Variants in PCGF5 observed in about 807,000 individuals in gnomAD.
PCGF5 encodes polycomb group RING finger protein 5.
In PCGF5, 9 loss-of-function variants were observed where a neutral mutation model predicts 44.3. The ratio of observed to expected loss-of-function variants is 0.20; its 90% CI spans 0.12 to 0.35. PCGF5 has a LOEUF of 0.35. Ranked by LOEUF, PCGF5 falls within the 10% of genes least tolerant of loss-of-function variation. The probability of loss-of-function intolerance (pLI) is 1.00; values close to 1 mark genes in which losing one functional copy is unlikely to be tolerated. For missense variants in PCGF5, 146 were observed against 305.3 expected, an observed-to-expected ratio of 0.48 and a Z score of 3.89; for synonymous variants, 95 against 102.5, an observed-to-expected ratio of 0.93 and a Z score of 0.44.
chr10:91,161,470 T>C (rs891520264), upstream of PCGF5, among the ~76,000 whole-genome samples: 3 of 152,180 alleles, frequency 2.0e-5, no homozygotes, highest in South Asian at 2.1e-4. Flanking sequence ...CCACACTACC[T>C]AACAGGGCCG....
upstream of PCGF5, chr10:91,220,554 C>A (rs1456261517): frequency 1.3e-5 from 2 of 150,752 alleles, no homozygotes; most frequent in Admixed American, 1.3e-4. Context: ...CGTGGCCGGG[C>A]GGCGGGGGCG....
the PCGF5 span, among the ~76,000 whole-genome samples, chr10:91,156,349 T>C: frequency 6.6e-6 from 1 of 152,124 alleles, no homozygotes; most frequent in Admixed American, 6.6e-5. Context: ...ATAAGACCAT[T>C]TGATGATTGT....
At chr10:91,250,490 G>GTT (rs1845596421) in intron 5 of PCGF5, among the ~76,000 whole-genome samples, 1 of 129,480 alleles carries the variant, frequency 7.7e-6, no homozygotes, top group South Asian at 2.3e-4. Context: ...TATTTGTCTG[G>GTT]TTTTTTCTTT....
At chr10:91,200,980 C>G (rs1589365740) in intron 1 of PCGF5, among the ~76,000 whole-genome samples, 1 of 152,066 alleles carries the variant, frequency 6.6e-6, no homozygotes, top group East Asian at 1.9e-4. Context: ...AGAGCTTGGG[C>G]AAGCACAAGA....
intron 1 of PCGF5, among the ~76,000 whole-genome samples, chr10:91,181,969 A>G (rs545763004): frequency 6.6e-6 from 1 of 152,008 alleles, no homozygotes; most frequent in East Asian, 1.9e-4. Flanking sequence ...CAATTTCAGA[A>G]CTCATTATTG....
At chr10:91,248,305 G>T (rs1413697792) in intron 3 of PCGF5, among the ~76,000 whole-genome samples, 200 bp from the exon 4 acceptor site, 1 of 152,054 alleles carries the variant, frequency 6.6e-6, no homozygotes, top group Non-Finnish European at 1.5e-5. Flanking sequence ...GCTGGGGACT[G>T]GGACCATTTT....
At position 91,283,758 on chromosome 10, in the gene PCGF5, T is replaced by G. The variant is rs542962733; in HGVS notation, c.*5442T>G. 6.6e-6 allele frequency: 1 copy of G among 152,440 alleles called. No homozygotes were observed. Among genetic ancestry groups the G allele is most frequent in the Non-Finnish European group, 1.5e-5 (1 of 68,024 alleles). 9.4% of individuals were successfully genotyped at this position (152,440 alleles called of 1,614,324 possible). A position where few individuals can be genotyped will look rare whatever the true frequency, so the allele number is the denominator to read the frequency against. The stretch of plus-strand genomic sequence containing the variant: ...CATCTGAGCAACACAACAGAGATCA[T>G]CAGTTTTAAATAGAGTAGCCCTCAC... On this transcript the variant is annotated 3_prime_UTR_variant, in exon 10 of 10. Transcript: ENST00000336126.
chr10:91,276,930 T>C (rs557447625), intron 9 of PCGF5, among the ~76,000 whole-genome samples: 1 of 152,332 alleles, frequency 6.6e-6, no homozygotes, highest in South Asian at 2.1e-4. Flanking sequence ...AAAATGGAGA[T>C]AATCTGTGTC....
At chr10:91,165,961 C>T (rs1368314504) in intron 1 of PCGF5, among the ~76,000 whole-genome samples, 1 of 152,182 alleles carries the variant, frequency 6.6e-6, no homozygotes. Context: ...AGTTCCCTTT[C>T]CATAATAGTA....
intron 2 of PCGF5, among the ~76,000 whole-genome samples, chr10:91,236,979 A>G (rs1296745813): frequency 1.3e-5 from 2 of 152,232 alleles, no homozygotes; most frequent in Non-Finnish European, 2.9e-5. Context: ...TTCTTTTTCT[A>G]TATATCGTAG....
At chr10:91,257,355 GGGAA>G (rs1564652529) in intron 6 of PCGF5, among the ~76,000 whole-genome samples, 43 of 152,040 alleles carry the variant, frequency 2.8e-4, no homozygotes, top group African/African-American at 9.9e-4. Context: ...CGTTGCTAGT[GGGAA>G]GGTGAAAGTG....
intron 9 of PCGF5, among the ~76,000 whole-genome samples, chr10:91,277,334 T>C (rs1290564626): frequency 6.6e-6 from 1 of 152,212 alleles, no homozygotes; most frequent in African/African-American, 2.4e-5. Context: ...TATACCAAGA[T>C]GGAGAAACAT....
chr10:91,215,528 T>C (rs1436832155), upstream of PCGF5, among the ~76,000 whole-genome samples: 1 of 152,236 alleles, frequency 6.6e-6, no homozygotes, highest in East Asian at 1.9e-4. Flanking sequence ...GCTGCAATAT[T>C]CTTATTTTCA....
rs1481330461 is a variant in PCGF5 at position 91,175,810 on chromosome 10, A to C, written c.-184+12729A>C. On this transcript the variant is annotated intron_variant, in intron 1 of 9. Coordinates refer to the PCGF5 transcript ENST00000614189. ...ATTTTGAGCCTATGTGTGTCTCTGC[A>C]CGTGAGATGGGTTTCCTGAATACAG... Among the ~76,000 whole-genome samples the C allele has an allele frequency of 2.6e-5, 4 of 152,154 alleles. No homozygotes were observed. The East Asian group carries it at 7.7e-4, about 29-fold the overall frequency.
At chr10:91,273,048 A>G (rs1484230891) in intron 9 of PCGF5, among the ~76,000 whole-genome samples, 1 of 152,198 alleles carries the variant, frequency 6.6e-6, no homozygotes, top group Non-Finnish European at 1.5e-5. Context: ...CAGTGCTATG[A>G]TATGGGAATT....
chr10:91,255,904 A>G (rs905708592), intron 6 of PCGF5, among the ~76,000 whole-genome samples: 3 of 152,086 alleles, frequency 2.0e-5, no homozygotes, highest in African/African-American at 7.2e-5. Context: ...CCTGCTATAT[A>G]CTTTAAATCA....
At chr10:91,200,648 C>T (rs890584784) in intron 1 of PCGF5, among the ~76,000 whole-genome samples, 1 of 152,068 alleles carries the variant, frequency 6.6e-6, no homozygotes. Context: ...GAGATTTGAA[C>T]ATAATTGGCA....
At chr10:91,171,115 G>A (rs992162235) in intron 1 of PCGF5, among the ~76,000 whole-genome samples, 1 of 151,934 alleles carries the variant, frequency 6.6e-6, no homozygotes, top group Non-Finnish European at 1.5e-5. Context: ...TAGCACAGAC[G>A]ATTTTTAGGG....
intron 8 of PCGF5, among the ~76,000 whole-genome samples, chr10:91,268,526 C>T (rs764538049): frequency 9.2e-5 from 14 of 152,056 alleles, no homozygotes; most frequent in Non-Finnish European, 1.5e-4. Flanking sequence ...GATGTCTCCT[C>T]ATCTATTCTA....
Sources: gnomAD v4.1 joint callset for allele counts (sites outside exome capture counted in the v4.1 genomes callset) on GRCh38, gnomAD v4.1.1 for gene constraint, MANE v1.5 for transcripts, NCBI Gene and HGNC (gene_info 2026-07-23, HGNC 2026-07-21) for gene names.